Variants in NIM1K observed in about 807,000 individuals in gnomAD.
NIM1K encodes serine/threonine-protein kinase NIM1.
NIM1K carries 35 observed loss-of-function variants against 37.1 expected under a neutral mutation model. The ratio of observed to expected loss-of-function variants is 0.94; its 90% CI spans 0.72 to 1.25. The LOEUF (loss-of-function observed/expected upper bound fraction) is 1.25. Ranked by LOEUF, NIM1K falls within the 50% of genes most tolerant of loss-of-function variation. NIM1K has a pLI of 0.00. For missense variants in NIM1K, 564 were observed against 548.0 expected (o/e 1.03, Z -0.29); for synonymous variants, 234 against 206.6 (o/e 1.13, Z -1.14).
chr5:43,231,147 A>T (rs1362815662), intron 1 of NIM1K, among the ~76,000 whole-genome samples: 5 of 152,168 alleles, frequency 3.3e-5, no homozygotes, highest in Non-Finnish European at 7.3e-5. Context: ...GTGAGACACC[A>T]TCTCTACAAA....
intron 2 of NIM1K, among the ~76,000 whole-genome samples, chr5:43,253,620 A>G (rs1472464907): frequency 1.3e-5 from 2 of 151,934 alleles, no homozygotes; most frequent in African/African-American, 2.4e-5. Flanking sequence ...ATCTTCTTGC[A>G]TATCTGGATT....
intron 1 of NIM1K, among the ~76,000 whole-genome samples, chr5:43,241,365 C>G (rs1752700529): frequency 6.9e-6 from 1 of 144,504 alleles, no homozygotes; most frequent in African/African-American, 2.6e-5. Context: ...GAGTCTCGCT[C>G]TGCCTTTAGG....
intron 3 of NIM1K, 102 bp from the exon 4 acceptor site, chr5:43,279,878 G>A: frequency 1.0e-6 from 1 of 956,116 alleles, no homozygotes; most frequent in Non-Finnish European, 1.6e-6. Flanking sequence ...CACTGAATTT[G>A]TTATTCCACC....
At chr5:43,220,460 A>G (rs1752365220) in intron 1 of NIM1K, among the ~76,000 whole-genome samples, 1 of 151,960 alleles carries the variant, frequency 6.6e-6, no homozygotes, top group African/African-American at 2.4e-5. Context: ...TAATTTTTGT[A>G]TATTTAATAG....
intron 2 of NIM1K, among the ~76,000 whole-genome samples, chr5:43,265,882 G>A (rs1753143692): frequency 6.6e-6 from 1 of 152,210 alleles, no homozygotes; most frequent in Non-Finnish European, 1.5e-5. Context: ...GGAGTTTGCT[G>A]GAGGTCCACT....
chr5:43,207,301 G>T (rs966293495), intron 1 of NIM1K: 8 of 762,232 alleles, frequency 1.0e-5, no homozygotes, highest in Non-Finnish European at 1.7e-5. Flanking sequence ...GGGGCATATT[G>T]TGTGAAATAG....
intron 2 of NIM1K, among the ~76,000 whole-genome samples, chr5:43,259,781 T>C (rs1321239519): frequency 2.0e-5 from 3 of 152,186 alleles, no homozygotes; most frequent in Non-Finnish European, 2.9e-5. Flanking sequence ...CAGAAGCTTT[T>C]CAGTTTAATG....
chr5:43,268,914 G>A (rs1255400540), intron 2 of NIM1K, among the ~76,000 whole-genome samples: 2 of 151,396 alleles, frequency 1.3e-5, no homozygotes, highest in Admixed American at 6.6e-5. Flanking sequence ...AATTGTCTCA[G>A]TGATATAATT....
chr5:43,230,300 C>A (rs1447154527), intron 1 of NIM1K, among the ~76,000 whole-genome samples: 1 of 151,802 alleles, frequency 6.6e-6, no homozygotes, highest in Non-Finnish European at 1.5e-5. Context: ...CCATCTTGGT[C>A]CAAGGTGGCT....
intron 3 of NIM1K, among the ~76,000 whole-genome samples, chr5:43,277,818 G>C (rs1333128355): frequency 8.1e-6 from 1 of 124,052 alleles, no homozygotes; most frequent in African/African-American, 2.7e-5. Context: ...GTGTGTGTGA[G>C]AGAGAGAGAG....
chr5:43,216,948 C>T (rs1752308361), intron 1 of NIM1K, among the ~76,000 whole-genome samples: 1 of 152,118 alleles, frequency 6.6e-6, no homozygotes, highest in Admixed American at 6.6e-5. Flanking sequence ...CATTTTAATT[C>T]CTTTAGTTAT....
chr5:43,266,056 T>C (rs10077324), intron 2 of NIM1K, among the ~76,000 whole-genome samples: 8,368 of 152,198 alleles, frequency 0.055, 487 homozygotes, highest in African/African-American at 0.15. Flanking sequence ...CCGCTCAGGC[T>C]ACTCAGGGGT....
chr5:43,214,123 G>C (rs2112221692), intron 1 of NIM1K, among the ~76,000 whole-genome samples: 1 of 152,060 alleles, frequency 6.6e-6, no homozygotes, highest in Non-Finnish European at 1.5e-5. Context: ...CTCAGTTTTG[G>C]AATGCTGGAC....
chr5:43,266,877 A>G (rs1753170709), intron 2 of NIM1K, among the ~76,000 whole-genome samples: 4 of 152,202 alleles, frequency 2.6e-5, no homozygotes, highest in Non-Finnish European at 2.9e-5. Flanking sequence ...GGACTTTTGC[A>G]TCTATGTTCA....
chr5:43,251,091 A>G (rs1438669315), intron 2 of NIM1K, among the ~76,000 whole-genome samples: 1 of 152,260 alleles, frequency 6.6e-6, no homozygotes, highest in East Asian at 1.9e-4. Context: ...TCAAAATGGT[A>G]GCTGCCATTG....
At chr5:43,205,963 CGACCTCCCAAA>C (rs969171009) in intron 1 of NIM1K, among the ~76,000 whole-genome samples, 3 of 152,060 alleles carry the variant, frequency 2.0e-5, no homozygotes, top group African/African-American at 2.4e-5. Context: ...CCGCCCGCCT[CGACCTCCCAAA>C]GTGCTGGGAT....
intron 1 of NIM1K, among the ~76,000 whole-genome samples, chr5:43,198,205 T>TTCTTTCTCTCTC (rs1751956592): frequency 1.2e-4 from 5 of 40,916 alleles, no homozygotes; most frequent in South Asian, 2.0e-3. Context: ...CTTTCTTTCT[T>TTCTTTCTCTCTC]TCTCTTTCTT....
chr5:43,269,744 G>T (rs374007510), intron 2 of NIM1K, among the ~76,000 whole-genome samples: 1 of 151,734 alleles, frequency 6.6e-6, no homozygotes, highest in South Asian at 2.1e-4. Flanking sequence ...TCAGCCTCCC[G>T]AGTAGCTGGG....
intron 1 of NIM1K, among the ~76,000 whole-genome samples, chr5:43,239,386 C>T (rs144687135): frequency 1.5e-4 from 23 of 151,916 alleles, no homozygotes; most frequent in Middle Eastern, 3.4e-3. Flanking sequence ...TACAGGTGCC[C>T]GCCACCATGC....
Sources: allele counts gnomAD v4.1 joint callset (sites outside exome capture counted in the v4.1 genomes callset), GRCh38; gene constraint gnomAD v4.1.1; transcripts MANE v1.5; gene names NCBI Gene and HGNC (gene_info 2026-07-23, HGNC 2026-07-21).